The following CPLANE1 variants were observed in gnomAD, a reference collection of about 807,000 sequenced individuals.
The protein encoded by CPLANE1 is ciliogenesis and planar polarity effector complex subunit 1, also known as ciliogenesis and planar polarity effector 1.
A neutral mutation model predicts 362.5 loss-of-function variants in CPLANE1; 263 were observed. The observed-to-expected ratio is 0.73, with a 90% CI of 0.66 to 0.80. CPLANE1 has a LOEUF of 0.80. Among genes scored for constraint, CPLANE1 ranks in the 30% least tolerant of loss-of-function variants. CPLANE1 has a pLI of 0.00. For missense variants in CPLANE1, 3,461 were observed against 3,793.4 expected, an observed-to-expected ratio of 0.91 and a Z score of 2.30; for synonymous variants, 1,212 against 1,302.6, an observed-to-expected ratio of 0.93 and a Z score of 1.50.
At chr5:37,221,132 A>T (rs1041031013) in intron 15 of CPLANE1, among the ~76,000 whole-genome samples, 192 bp downstream of exon 15, 13 of 152,316 alleles carry the variant, frequency 8.5e-5, no homozygotes, top group Admixed American at 8.5e-4. Context: ...ACCAACTTTT[A>T]TGTATAAGCA....
At chr5:37,120,618 A>G (rs897077283) in intron 49 of CPLANE1, among the ~76,000 whole-genome samples, 1 of 152,202 alleles carries the variant, frequency 6.6e-6, no homozygotes, top group African/African-American at 2.4e-5. Context: ...CTCAGATTAT[A>G]TTCACTTGAT....
At chr5:37,211,199 A>T (rs747411329) in intron 16 of CPLANE1, 41 of 1,419,204 alleles carry the variant, frequency 2.9e-5, no homozygotes, top group Non-Finnish European at 4.0e-5. Context: ...CAAATTATCC[A>T]AATGCAGGGA....
intron 27 of CPLANE1, among the ~76,000 whole-genome samples, chr5:37,180,421 G>T (rs1404426046): frequency 6.6e-6 from 1 of 152,036 alleles, no homozygotes; most frequent in African/African-American, 2.4e-5. Flanking sequence ...AGATTGTTCA[G>T]TAAATAACTA....
intron 16 of CPLANE1, among the ~76,000 whole-genome samples, chr5:37,207,102 CT>C (rs1441629840): frequency 7.2e-5 from 11 of 152,200 alleles, no homozygotes; most frequent in Admixed American, 5.2e-4. Context: ...ATCGTTCCCC[CT>C]GGCCTTCTGT....
At chr5:37,079,715 T>C in the CPLANE1 span, among the ~76,000 whole-genome samples, 2 of 152,222 alleles carry the variant, frequency 1.3e-5, no homozygotes, top group Non-Finnish European at 2.9e-5. Context: ...CACACATGAA[T>C]GGTCAGTGTG....
intron 14 of CPLANE1, 99 bp downstream of exon 14, chr5:37,224,154 G>T: frequency 1.4e-6 from 1 of 708,500 alleles, no homozygotes; most frequent in Non-Finnish European, 2.4e-6. Context: ...TAATATAATG[G>T]CACATATTTT....
intron 16 of CPLANE1, chr5:37,211,350 G>A: frequency 6.6e-7 from 1 of 1,512,950 alleles, no homozygotes; most frequent in Non-Finnish European, 8.8e-7. Flanking sequence ...CTCTGCCAAA[G>A]GCCCACTACC....
chr5:37,175,761 C>T, intron 31 of CPLANE1, 148 bp downstream of exon 31: 1 of 609,584 alleles, frequency 1.6e-6, no homozygotes, highest in Non-Finnish European at 2.9e-6. Context: ...TTATGCTGCT[C>T]TTTCAATGTT....
chr5:37,139,469 T>C (rs1474374998), intron 44 of CPLANE1, 99 bp from the exon 45 acceptor site: 1 of 1,092,280 alleles, frequency 9.2e-7, no homozygotes, highest in East Asian at 3.3e-5. Context: ...TAAATTAAAA[T>C]ACTTTTAAAC....
chr5:37,175,932 T>G lies in CPLANE1; in HGVS notation c.5955A>C (p.Val1985=), dbSNP rs759128146. The G allele has an allele frequency of 1.2e-6, 2 of 1,613,442 alleles. No individual in the cohort carries two copies. The highest frequency in any genetic ancestry group is 2.7e-5 in the African/African-American group (2 of 74,920). Residue 1985 remains valine, a synonymous_variant, in exon 31 of 53, where the codon GTA becomes GTC. Coordinates refer to ENST00000651892, the MANE Select transcript of CPLANE1 (RefSeq NM_001384732.1). ...PGHTTPQSMQ[V]DTSSEISSAQ... ...ACCTAGAAATTTCTGAACTCGTATC[T>G]ACTTGCATTGATTGAGGAGTGGTAT...
At chr5:37,181,491 G>A (rs922805802) in intron 26 of CPLANE1, among the ~76,000 whole-genome samples, 3 of 152,004 alleles carry the variant, frequency 2.0e-5, no homozygotes, top group Admixed American at 2.0e-4. Context: ...CATATAAACT[G>A]TATACCTTAT....
At chr5:37,086,309 C>T in the CPLANE1 span, among the ~76,000 whole-genome samples, 6 of 152,136 alleles carry the variant, frequency 3.9e-5, no homozygotes, top group East Asian at 1.9e-4. Flanking sequence ...GGCCACAAAA[C>T]GAGCCTCAAT....
chr5:37,092,290 G>T, the CPLANE1 span, among the ~76,000 whole-genome samples: 1 of 152,174 alleles, frequency 6.6e-6, no homozygotes, highest in Non-Finnish European at 1.5e-5. Context: ...CCCACTGTGT[G>T]TAAGTTATAA....
chr5:37,195,534 T>A (rs1029944270), intron 21 of CPLANE1, among the ~76,000 whole-genome samples: 4 of 150,624 alleles, frequency 2.7e-5, no homozygotes, highest in African/African-American at 9.8e-5. Flanking sequence ...CCAGGAGGTG[T>A]GTTGCAGTGA....
At chr5:37,091,492 G>A in the CPLANE1 span, among the ~76,000 whole-genome samples, 2 of 152,050 alleles carry the variant, frequency 1.3e-5, no homozygotes, top group African/African-American at 2.4e-5. Context: ...ATAGTAGAAC[G>A]TGCCCACTCC....
At chr5:37,210,532 A>G (rs181659755) in intron 16 of CPLANE1, 1 of 1,441,804 alleles carries the variant, frequency 6.9e-7, no homozygotes, top group East Asian at 2.3e-5. Context: ...ATAGCTTTTA[A>G]TTCAAAAAAG....
At position 37,142,495 on chromosome 5, in the gene CPLANE1, A is replaced by G. The variant is rs374162618; in HGVS notation, c.8462-15T>C. On this transcript the variant is annotated splice_polypyrimidine_tract_variant and intron_variant, in intron 43 of 52. Transcript: ENST00000651892. ...CAAAAAACGCACTAATCCAGAGTAT[A>G]TATTACAATTAAAATAAAATAGTAG... The G allele has an allele frequency of 6.2e-6, 9 of 1,456,136 alleles. No individual in the cohort carries two copies. Among genetic ancestry groups the G allele is most frequent in the African/African-American group, 1.5e-5 (1 of 68,934 alleles). 90.2% of individuals were successfully genotyped at this position (1,456,136 alleles called of 1,614,324 possible).
rs758173608 is a variant in CPLANE1 at position 37,138,705 on chromosome 5, T to A, written c.8792+15A>T. 3 of 1,596,902 alleles carry A rather than the reference T, an allele frequency of 1.9e-6. No homozygotes were observed. Among genetic ancestry groups the A allele is most frequent in the East Asian group, 4.5e-5 (2 of 44,692 alleles). ...GCATTTTAAACAGGTTAAAAATGAA[T>A]TATTCAATGATTACCTGGAGGTGCC... On this transcript the variant is annotated intron_variant, in intron 46 of 52. Coordinates refer to ENST00000651892, the MANE Select transcript of CPLANE1 (RefSeq NM_001384732.1).
chr5:37,175,606 G>C (rs990571324), intron 31 of CPLANE1, among the ~76,000 whole-genome samples: 20 of 152,296 alleles, frequency 1.3e-4, no homozygotes, highest in African/African-American at 4.3e-4. Context: ...AAATCAGTTA[G>C]AAGCTGAAAA....
Sources: allele counts gnomAD v4.1 joint callset (sites outside exome capture counted in the v4.1 genomes callset), GRCh38; gene constraint gnomAD v4.1.1; transcripts MANE v1.5; gene names NCBI Gene and HGNC (gene_info 2026-07-23, HGNC 2026-07-21).